The following SPAG16 variants were observed in gnomAD, a reference collection of about 807,000 sequenced individuals.
SPAG16 encodes sperm-associated antigen 16 protein.
Under a neutral mutation model 80.4 loss-of-function variants are expected in SPAG16, and 86 were observed. The observed-to-expected ratio is 1.07, with a 90% confidence interval of 0.90 to 1.28. The LOEUF (loss-of-function observed/expected upper bound fraction) is 1.28, where lower values mean the gene tolerates loss of function less well. SPAG16 is among the 50% of genes most tolerant of loss of function. The pLI, the probability that SPAG16 is intolerant of heterozygous loss-of-function variation, is 0.00. For synonymous variants in SPAG16, 294 were observed against 265.9 expected, an observed-to-expected ratio of 1.11 and a Z score of -1.03; for missense variants, 870 against 765.3, an observed-to-expected ratio of 1.14 and a Z score of -1.61.
intron 10 of SPAG16, among the ~76,000 whole-genome samples, chr2:213,520,042 CGAGAGA>C (rs748201144): frequency 1.3e-5 from 2 of 149,298 alleles, no homozygotes; most frequent in Non-Finnish European, 3.0e-5. Context: ...CACACACACA[CGAGAGA>C]GAGAGAGAAA....
At chr2:213,516,353 A>G (rs1369075247) in intron 10 of SPAG16, among the ~76,000 whole-genome samples, 1 of 152,200 alleles carries the variant, frequency 6.6e-6, no homozygotes, top group Non-Finnish European at 1.5e-5. Context: ...CGTTACTAAC[A>G]TCTGATAACA....
intron 12 of SPAG16, among the ~76,000 whole-genome samples, chr2:213,949,179 T>TTTTTTTTTTTTTTTGTTTTTTTG (rs1575623841): frequency 1.4e-4 from 5 of 36,258 alleles, no homozygotes; most frequent in African/African-American, 3.3e-4. Flanking sequence ...GTTTTTTTTT[T>TTTTTTTTTTTTTTTGTTTTTTTG]TTTTTTTTTT....
chr2:213,966,169 C>T (rs994196938), intron 12 of SPAG16, among the ~76,000 whole-genome samples: 7 of 152,140 alleles, frequency 4.6e-5, no homozygotes, highest in African/African-American at 1.7e-4. Flanking sequence ...AAGATGGAGA[C>T]ACATCTTCTT....
intron 11 of SPAG16, among the ~76,000 whole-genome samples, chr2:213,926,891 C>G (rs2078504846): frequency 6.6e-6 from 1 of 152,120 alleles, no homozygotes; most frequent in South Asian, 2.1e-4. Context: ...TTTCTAATAA[C>G]TTGGGCTGTA....
intron 10 of SPAG16, among the ~76,000 whole-genome samples, chr2:213,704,442 A>C (rs2065646036): frequency 6.6e-6 from 1 of 152,168 alleles, no homozygotes; most frequent in Non-Finnish European, 1.5e-5. Context: ...GGGTCTACAC[A>C]GAGTGACATC....
At position 214,178,429 on chromosome 2, in the gene SPAG16, T is replaced by C. The variant is rs564941697; in HGVS notation, c.1720+29163T>C. On this transcript the variant is annotated intron_variant, in intron 15 of 15. Transcript: ENST00000331683. ...ACAGGTGGTTGAACAAAAAATACTA[T>C]GGTACTGGTTCAGCACGCTTGTGCT... Among the ~76,000 whole-genome samples, 5 of 151,360 alleles carry C rather than the reference T, an allele frequency of 3.3e-5. No homozygotes were observed. The South Asian group carries it at 8.3e-4, about 25-fold the overall frequency.
intron 11 of SPAG16, among the ~76,000 whole-genome samples, chr2:213,929,586 C>T (rs2078655839): frequency 6.6e-6 from 1 of 152,154 alleles, no homozygotes; most frequent in African/African-American, 2.4e-5. Context: ...GTTTTTGAAA[C>T]TGATTTAGCC....
At chr2:214,170,220 GTATA>G (rs2056821353) in intron 15 of SPAG16, among the ~76,000 whole-genome samples, 1 of 99,456 alleles carries the variant, frequency 1.0e-5, no homozygotes, top group African/African-American at 2.7e-5. Flanking sequence ...ACTTAGGTGT[GTATA>G]CGTATACACA....
At position 213,489,950 on chromosome 2, in the gene SPAG16, T is replaced by C; in HGVS notation, c.943-13T>C. ...TATTTAACACAGAGCTCTTGTTTAATTTTTTTCTCTAGGATTCAGAATTTC... is the reference window on the plus strand; with the variant it reads ...TATTTAACACAGAGCTCTTGTTTAACTTTTTTCTCTAGGATTCAGAATTTC... On this transcript the variant is annotated splice_polypyrimidine_tract_variant and intron_variant, in intron 9 of 15. Coordinates refer to ENST00000331683, the MANE Select transcript of SPAG16 (RefSeq NM_024532.5). 1.9e-6 allele frequency: 3 copies of C among 1,588,850 alleles called. No homozygotes were observed. Among genetic ancestry groups the C allele is most frequent in the Non-Finnish European group, 2.6e-6 (3 of 1,169,624 alleles).
At chr2:213,824,516 G>A (rs1001408256) in intron 10 of SPAG16, among the ~76,000 whole-genome samples, 7 of 152,242 alleles carry the variant, frequency 4.6e-5, no homozygotes, top group African/African-American at 1.7e-4. Context: ...GCCTTTGTGT[G>A]TTCTTAGCAC....
intron 15 of SPAG16, among the ~76,000 whole-genome samples, chr2:214,304,253 G>T (rs1057203387): frequency 2.0e-5 from 3 of 152,136 alleles, no homozygotes; most frequent in Non-Finnish European, 4.4e-5. Context: ...CCCAAAAGTG[G>T]CCATAAACAA....
intron 15 of SPAG16, among the ~76,000 whole-genome samples, chr2:214,305,099 A>C (rs1210684160): frequency 6.6e-6 from 1 of 151,938 alleles, no homozygotes; most frequent in Admixed American, 6.6e-5. Context: ...TCTCTTGTGG[A>C]TTTGATTTGC....
At chr2:214,281,631 A>T (rs1420857370) in intron 15 of SPAG16, among the ~76,000 whole-genome samples, 1 of 152,196 alleles carries the variant, frequency 6.6e-6, no homozygotes, top group Non-Finnish European at 1.5e-5. Context: ...TTTGGAAAAT[A>T]GTTTAACAGT....
chr2:213,998,243 C>A (rs1291276032), intron 12 of SPAG16, among the ~76,000 whole-genome samples: 2 of 151,926 alleles, frequency 1.3e-5, no homozygotes, highest in Non-Finnish European at 2.9e-5. Flanking sequence ...GCTTTGTGTC[C>A]CCACCCAAAT....
intron 10 of SPAG16, among the ~76,000 whole-genome samples, chr2:213,751,003 A>G (rs1237643298): frequency 1.3e-5 from 2 of 152,168 alleles, no homozygotes; most frequent in Non-Finnish European, 2.9e-5. Context: ...TCAGCCTTCA[A>G]TATGATTCAG....
chr2:214,191,727 G>GAAAAAAAAAAAAAAAAAAAAAA (rs367694225), intron 15 of SPAG16, among the ~76,000 whole-genome samples: 3 of 115,816 alleles, frequency 2.6e-5, no homozygotes, highest in Admixed American at 9.6e-5. Flanking sequence ...AAAAAAAAAA[G>GAAAAAAAAAAAAAAAAAAAAAA]AAAAAAAAAA....
At chr2:213,915,975 T>C (rs921678568) in intron 11 of SPAG16, among the ~76,000 whole-genome samples, 1 of 152,194 alleles carries the variant, frequency 6.6e-6, no homozygotes, top group Non-Finnish European at 1.5e-5. Context: ...TGTTTTGTTT[T>C]CTTGTAAATT....
intron 9 of SPAG16, among the ~76,000 whole-genome samples, chr2:213,487,754 T>C (rs1035416784): frequency 1.3e-5 from 2 of 152,124 alleles, no homozygotes; most frequent in Admixed American, 1.3e-4. Flanking sequence ...GCTGTGTTTA[T>C]GGTTTCAGAT....
chr2:213,526,249 A>G (rs768322536), intron 10 of SPAG16, among the ~76,000 whole-genome samples: 64 of 152,168 alleles, frequency 4.2e-4, no homozygotes, highest in Non-Finnish European at 5.9e-4. Context: ...TTTAGTGTTC[A>G]TATAATACTC....
Sources: allele counts gnomAD v4.1 joint callset (sites outside exome capture counted in the v4.1 genomes callset), GRCh38; gene constraint gnomAD v4.1.1; transcripts MANE v1.5; gene names NCBI Gene and HGNC (gene_info 2026-07-23, HGNC 2026-07-21).